The following TMEM74 variants were observed in gnomAD, a reference collection of about 807,000 sequenced individuals.
TMEM74 encodes transmembrane protein 74.
In TMEM74, 13 loss-of-function variants were observed where a neutral mutation model predicts 18.1. The observed-to-expected ratio is 0.72, with a 90% CI of 0.47 to 1.14. TMEM74 has a LOEUF of 1.14. Ranked by LOEUF, TMEM74 falls within the 50% of genes most tolerant of loss-of-function variation. The pLI is 0.00. For missense variants in TMEM74, 372 were observed against 375.9 expected, an observed-to-expected ratio of 0.99 and a Z score of 0.09; for synonymous variants, 159 against 146.6, an observed-to-expected ratio of 1.08 and a Z score of -0.61.
chr8:108,714,308 C>T (rs1367619076), intron 1 of TMEM74, among the ~76,000 whole-genome samples: 3 of 151,992 alleles, frequency 2.0e-5, no homozygotes, highest in Non-Finnish European at 4.4e-5. Flanking sequence ...AAATAGAAGA[C>T]AATAATAGAA....
rs928716248 is a variant in TMEM74 at position 108,695,237 on chromosome 8, T to C, written n.120-39800A>G. 2.3e-4 allele frequency among the ~76,000 whole-genome samples: 35 copies of C among 152,158 alleles called. 1 individual carries two copies. Among genetic ancestry groups the C allele is most frequent in the African/African-American group, 8.4e-4 (35 of 41,504 alleles). ...GCTTCTTCATCTGGGCTTGAACTGA[T>C]CACATGAGGAAAAAAAGGTGGATGT... On this transcript the variant is annotated intron_variant and non_coding_transcript_variant, in intron 1 of 3. Transcript: ENST00000518838.
chr8:108,649,087 C>T (rs1341405781), intron 2 of TMEM74, among the ~76,000 whole-genome samples: 2 of 152,094 alleles, frequency 1.3e-5, no homozygotes, highest in Non-Finnish European at 2.9e-5. Context: ...CCAGTACAAC[C>T]TGGTTGTCTG....
chr8:108,656,413 G>C (rs1812822176), intron 1 of TMEM74, among the ~76,000 whole-genome samples: 1 of 152,146 alleles, frequency 6.6e-6, no homozygotes. Flanking sequence ...CATCTCAATT[G>C]ATTTAGATTC....
Position 108,643,572 on chromosome 8 carries a change from C to T in TMEM74, n.264+11721G>A, listed in dbSNP as rs574539604. ...AAGGGGCCTTTTGTAAACATCTACA[C>T]TCCATTTCAAAGAGTTTATGAGGCC... On this transcript the variant is annotated intron_variant and non_coding_transcript_variant, in intron 2 of 3. Transcript: ENST00000518838. Among the ~76,000 whole-genome samples the T allele has an allele frequency of 5.9e-5, 9 of 152,096 alleles. 1 individual carries two copies. The South Asian group carries it at 1.9e-3, about 32-fold the overall frequency.
At chr8:108,752,592 A>G (rs1213545455) in intron 1 of TMEM74, among the ~76,000 whole-genome samples, 2 of 152,116 alleles carry the variant, frequency 1.3e-5, no homozygotes, top group Non-Finnish European at 2.9e-5. Context: ...TGTACCTGTA[A>G]ACTAACAACC....
At chr8:108,657,860 ATATATATATAT>A (rs1427729990) in intron 1 of TMEM74, among the ~76,000 whole-genome samples, 1,328 of 45,576 alleles carry the variant, frequency 0.029, 95 homozygotes, top group Admixed American at 0.031. Flanking sequence ...AAAAAAAAAA[ATATATATATAT>A]ATATATATAT....
intron 1 of TMEM74, among the ~76,000 whole-genome samples, chr8:108,677,597 C>CT (rs1290032147): frequency 6.7e-6 from 1 of 149,812 alleles, no homozygotes; most frequent in African/African-American, 2.5e-5. Context: ...GAAAAGATGA[C>CT]TTTTTTCCAG....
intron 1 of TMEM74, among the ~76,000 whole-genome samples, chr8:108,756,598 GAA>G (rs1563543601): frequency 3.0e-4 from 15 of 49,194 alleles, no homozygotes; most frequent in South Asian, 1.2e-3. Flanking sequence ...GAAAGAAAGA[GAA>G]AGGAAGGAAG....
chr8:108,656,153 C>A (rs1812819364), intron 1 of TMEM74, among the ~76,000 whole-genome samples: 1 of 152,124 alleles, frequency 6.6e-6, no homozygotes, highest in South Asian at 2.1e-4. Flanking sequence ...TGGTGAGTTT[C>A]GAAGGAGAAT....
At chr8:108,762,722 C>T (rs190471782) in intron 1 of TMEM74, among the ~76,000 whole-genome samples, 15 of 152,048 alleles carry the variant, frequency 9.9e-5, no homozygotes, top group Non-Finnish European at 4.4e-5. Flanking sequence ...TGATTCATAC[C>T]TGTCTCCTCT....
At chr8:108,678,902 C>A (rs1813084081) in intron 1 of TMEM74, among the ~76,000 whole-genome samples, 1 of 120,848 alleles carries the variant, frequency 8.3e-6, no homozygotes, top group Non-Finnish European at 1.7e-5. Flanking sequence ...CCCCCCTCCC[C>A]CCACCCCACA....
chr8:108,758,027 T>TA (rs1434744513), intron 1 of TMEM74, among the ~76,000 whole-genome samples: 1 of 151,400 alleles, frequency 6.6e-6, no homozygotes, highest in African/African-American at 2.4e-5. Flanking sequence ...TTCAGACAGT[T>TA]ATGCAGATGC....
chr8:108,730,000 T>C (rs1270854039), intron 1 of TMEM74, among the ~76,000 whole-genome samples: 1 of 152,194 alleles, frequency 6.6e-6, no homozygotes, highest in Non-Finnish European at 1.5e-5. Context: ...CCAAAGTAAC[T>C]AGGTTTTCAA....
chr8:108,711,480 T>G (rs950951065), intron 1 of TMEM74, among the ~76,000 whole-genome samples: 3 of 152,212 alleles, frequency 2.0e-5, no homozygotes, highest in African/African-American at 7.2e-5. Flanking sequence ...CTACAACCTT[T>G]TCTTCTCAGC....
chr8:108,734,155 T>G (rs1306290754), intron 1 of TMEM74, among the ~76,000 whole-genome samples: 1 of 152,074 alleles, frequency 6.6e-6, no homozygotes, highest in Non-Finnish European at 1.5e-5. Context: ...GAGGCCTGAA[T>G]AGATAAAAAG....
chr8:108,755,934 G>C (rs1255843407), intron 1 of TMEM74, among the ~76,000 whole-genome samples: 2 of 151,902 alleles, frequency 1.3e-5, no homozygotes, highest in African/African-American at 4.8e-5. Context: ...AAGAAATATA[G>C]GAATGGGGGG....
intron 1 of TMEM74, among the ~76,000 whole-genome samples, chr8:108,772,974 T>A (rs1249891154): frequency 6.6e-6 from 1 of 152,174 alleles, no homozygotes; most frequent in Non-Finnish European, 1.5e-5. Context: ...TAGCTTTTAT[T>A]ATTAACTACA....
chr8:108,759,470 A>G (rs560733902), intron 1 of TMEM74, among the ~76,000 whole-genome samples: 1 of 152,282 alleles, frequency 6.6e-6, no homozygotes, highest in Admixed American at 6.5e-5. Flanking sequence ...TGTTTGTAAT[A>G]GCAAAACTTT....
chr8:108,767,919 C>CA (rs1482672295), intron 1 of TMEM74, among the ~76,000 whole-genome samples: 10 of 151,700 alleles, frequency 6.6e-5, no homozygotes, highest in Non-Finnish European at 1.5e-4. Context: ...TTCTTTTACT[C>CA]AAAGAAGATT....
Sources: allele counts gnomAD v4.1 joint callset (sites outside exome capture counted in the v4.1 genomes callset), GRCh38; gene constraint gnomAD v4.1.1; transcripts MANE v1.5; gene names NCBI Gene and HGNC (gene_info 2026-07-23, HGNC 2026-07-21).